The following TEK variants were observed in gnomAD, a reference collection of about 807,000 sequenced individuals.
TEK encodes TEK receptor tyrosine kinase.
TEK carries 43 observed loss-of-function variants against 131.8 expected under a neutral mutation model. The ratio of observed to expected loss-of-function variants is 0.33; its 90% CI spans 0.26 to 0.42. The LOEUF (loss-of-function observed/expected upper bound fraction) is 0.42. Ranked by LOEUF, TEK falls within the 10% of genes least tolerant of loss-of-function variation. The probability of loss-of-function intolerance (pLI) is 1.00; values close to 1 mark genes in which losing one functional copy is unlikely to be tolerated. For synonymous variants in TEK, 580 were observed against 491.6 expected, an observed-to-expected ratio of 1.18 and a Z score of -2.38; for missense variants, 1,162 against 1,384.4, an observed-to-expected ratio of 0.84 and a Z score of 2.55.
chr9:27,116,295 GT>G (rs545601527), intron 1 of TEK, among the ~76,000 whole-genome samples: 89 of 148,172 alleles, frequency 6.0e-4, no homozygotes, highest in Middle Eastern at 3.5e-3. Context: ...TGTAAAGGAA[GT>G]TTTTTTTTTT....
intron 1 of TEK, among the ~76,000 whole-genome samples, chr9:27,132,246 C>T (rs1276621916): frequency 1.3e-5 from 2 of 151,972 alleles, no homozygotes; most frequent in Admixed American, 6.6e-5. Context: ...CACCACCACA[C>T]CTGACTAATG....
chr9:27,141,330 C>T (rs1822715451), intron 1 of TEK, among the ~76,000 whole-genome samples: 3 of 151,996 alleles, frequency 2.0e-5, no homozygotes, highest in Admixed American at 2.0e-4. Context: ...TAATGGCCAC[C>T]TTCAAGTTTT....
At chr9:27,199,441 G>T (rs62546521) in intron 12 of TEK, among the ~76,000 whole-genome samples, 428 of 152,294 alleles carry the variant, frequency 2.8e-3, no homozygotes, top group Non-Finnish European at 4.6e-3. Context: ...TGGTTAGTCA[G>T]TGTGTACTAT....
chr9:27,220,624 TGGTTAGACA>T (rs1408095459), intron 21 of TEK, among the ~76,000 whole-genome samples: 1 of 152,190 alleles, frequency 6.6e-6, no homozygotes, highest in African/African-American at 2.4e-5. Context: ...TCATAGGGAC[TGGTTAGACA>T]GTGGGTACAG....
chr9:27,196,436 T>C (rs3780313), intron 11 of TEK, among the ~76,000 whole-genome samples: 42,585 of 152,008 alleles, frequency 0.28, 6,161 homozygotes, highest in Admixed American at 0.35. Flanking sequence ...GCTTATGAGG[T>C]GGTATCTTAT....
chr9:27,161,127 C>A (rs1304192337), intron 2 of TEK, among the ~76,000 whole-genome samples: 4 of 152,162 alleles, frequency 2.6e-5, no homozygotes, highest in African/African-American at 9.7e-5. Flanking sequence ...GAGTTAAAAA[C>A]CCGCTGTAAT....
At chr9:27,222,976 A>G (rs1249536046) in intron 21 of TEK, among the ~76,000 whole-genome samples, 1 of 152,200 alleles carries the variant, frequency 6.6e-6, no homozygotes, top group African/African-American at 2.4e-5. Context: ...TTGCAATCCT[A>G]GTCTCTGATA....
chr9:27,181,827 T>C (rs1824388166), intron 7 of TEK, among the ~76,000 whole-genome samples: 1 of 152,188 alleles, frequency 6.6e-6, no homozygotes, highest in Non-Finnish European at 1.5e-5. Flanking sequence ...ATGTATTGCT[T>C]TTTCAATCAT....
intron 1 of TEK, among the ~76,000 whole-genome samples, chr9:27,128,537 G>T (rs1209886460): frequency 3.9e-5 from 6 of 152,134 alleles, no homozygotes; most frequent in Admixed American, 1.3e-4. Flanking sequence ...GCTTGATGGG[G>T]ATAGCATTGA....
intron 1 of TEK, among the ~76,000 whole-genome samples, chr9:27,114,543 C>G (rs941861450): frequency 6.6e-6 from 1 of 151,736 alleles, no homozygotes; most frequent in Non-Finnish European, 1.5e-5. Flanking sequence ...TGCACTCGAG[C>G]CTGCATGACA....
At position 27,230,082 on chromosome 9, in the gene TEK, T is replaced by C. The variant is rs985587125; in HGVS notation, c.*850T>C. On this transcript the variant is annotated 3_prime_UTR_variant, in exon 23 of 23. Transcript: ENST00000380036. ...TATTGCACATTGTAAAAAGTTTTAG[T>C]TTTGATGAGTTGTGAGTTTACCTTG... 2 of 152,258 alleles carry C rather than the reference T, an allele frequency of 1.3e-5. No homozygotes were observed. The highest frequency in any genetic ancestry group is 2.9e-5 in the Non-Finnish European group (2 of 68,050). 9.4% of individuals were successfully genotyped at this position (152,258 alleles called of 1,614,324 possible). A position where few individuals can be genotyped will look rare whatever the true frequency, so the allele number is the denominator to read the frequency against.
At chr9:27,147,400 A>T (rs1042564106) in intron 1 of TEK, among the ~76,000 whole-genome samples, 1 of 151,786 alleles carries the variant, frequency 6.6e-6, no homozygotes, top group East Asian at 1.9e-4. Context: ...GAAGTGTCTC[A>T]AATCTTTTGC....
chr9:27,176,278 C>A (rs1336611316), intron 6 of TEK, among the ~76,000 whole-genome samples: 1 of 152,070 alleles, frequency 6.6e-6, no homozygotes, highest in Non-Finnish European at 1.5e-5. Context: ...ATTTTTGAAG[C>A]AAATAGTGGG....
In TEK at chr9:27,169,623, G is replaced by A. The variant is rs751826780; in HGVS notation, c.622G>A (p.Val208Ile). 3 of 1,614,078 alleles carry A rather than the reference G, an allele frequency of 1.9e-6. No individual in the cohort carries two copies. Among genetic ancestry groups the A allele is most frequent in the Non-Finnish European group, 2.5e-6 (3 of 1,179,952 alleles). Reference sequence around the variant, plus strand: ...CACCTCGGCCTTCACCAGGCTGATAGTCCGGAGTAAGTGATGGAGAGGCCA... The same window carrying A: ...CACCTCGGCCTTCACCAGGCTGATAATCCGGAGTAAGTGATGGAGAGGCCA... ...LFTSAFTRLI[V>I]RRCEAQKWGP... is the part of the protein sequence containing the mutation. The change falls in exon 4 of 23, where the codon GTC (valine) becomes ATC (isoleucine). Residue 208 changes from valine (V) to isoleucine (I), a missense_variant. Physicochemically the swap from Val to Ile is conservative, Grantham distance 29 (BLOSUM62 3). Around this residue, in one of 6 missense-constraint regions of TEK, gnomAD observed 436 missense variants for 539.1 expected, o/e 0.81. Coordinates refer to ENST00000380036, the MANE Select transcript of TEK (RefSeq NM_000459.5).
At chr9:27,197,219 C>T (rs1250059591) in intron 11 of TEK, 96 bp from the exon 12 acceptor site, 18 of 1,382,984 alleles carry the variant, frequency 1.3e-5, no homozygotes, top group Middle Eastern at 3.6e-4. Context: ...ACCTCCAACA[C>T]TGGGGATTAC....
At chr9:27,176,945 C>T (rs1824193354) in intron 6 of TEK, among the ~76,000 whole-genome samples, 1 of 152,178 alleles carries the variant, frequency 6.6e-6, no homozygotes, top group Admixed American at 6.5e-5. Flanking sequence ...CAGTATTGGT[C>T]TTTATATGCC....
chr9:27,204,362 T>A (rs992002923), intron 13 of TEK, among the ~76,000 whole-genome samples: 8 of 152,194 alleles, frequency 5.3e-5, no homozygotes, highest in Non-Finnish European at 1.0e-4. Flanking sequence ...TAAATTTAAT[T>A]TTTCCTCTGT....
intron 1 of TEK, among the ~76,000 whole-genome samples, chr9:27,118,979 A>G (rs1327348387): frequency 6.6e-6 from 1 of 152,224 alleles, no homozygotes; most frequent in East Asian, 1.9e-4. Flanking sequence ...CAAAAGATGG[A>G]CCAAGACAGG....
intron 12 of TEK, 30 bp from the exon 13 acceptor site, chr9:27,202,790 A>C: frequency 6.2e-7 from 1 of 1,605,714 alleles, no homozygotes; most frequent in Non-Finnish European, 8.5e-7. Context: ...AGTATATCTT[A>C]AGTGAATCTT....
Sources: gnomAD v4.1 joint callset for allele counts (sites outside exome capture counted in the v4.1 genomes callset) on GRCh38, gnomAD v4.1.1 for gene constraint, gnomAD v4.1.1 regional missense constraint, MANE v1.5 for transcripts, NCBI Gene and HGNC (gene_info 2026-07-23, HGNC 2026-07-21) for gene names.